CRCP: variants seen among roughly 807,000 people sequenced by gnomAD.
The protein encoded by CRCP is DNA-directed RNA polymerase III subunit RPC9.
Under a neutral mutation model 18.5 loss-of-function variants are expected in CRCP, and 18 were observed. That is an observed-to-expected ratio of 0.97 (90% confidence interval 0.67 to 1.44). The LOEUF (loss-of-function observed/expected upper bound fraction) is 1.44, where lower values mean the gene tolerates loss of function less well. CRCP is among the 40% of genes most tolerant of loss of function. CRCP has a pLI of 0.00. For synonymous variants in CRCP, 53 were observed against 62.9 expected, an observed-to-expected ratio of 0.84 and a Z score of 0.75; for missense variants, 130 against 176.4, an observed-to-expected ratio of 0.74 and a Z score of 1.49.
chr7:66,145,432 T>A lies in CRCP; in HGVS notation c.240-11T>A. Reference sequence around the variant, plus strand: ...TATGCGAGTTGTCAACGCTGTACTTTCCCTCCACAGAGCTGAGAAGCTCCA... The same window carrying A: ...TATGCGAGTTGTCAACGCTGTACTTACCCTCCACAGAGCTGAGAAGCTCCA... On this transcript the variant is annotated splice_polypyrimidine_tract_variant and intron_variant, in intron 4 of 5. Transcript: ENST00000395326. 6.2e-7 allele frequency: 1 copy of A among 1,613,770 alleles called. No homozygotes were observed. Among genetic ancestry groups the A allele is most frequent in the Non-Finnish European group, 8.5e-7 (1 of 1,179,784 alleles).
At chr7:66,130,905 C>G (rs952351163) in intron 3 of CRCP, 63 bp downstream of exon 3, 25 of 870,894 alleles carry the variant, frequency 2.9e-5, no homozygotes, top group African/African-American at 5.1e-5. Flanking sequence ...TTTATTCTCC[C>G]AATGACTGGC....
chr7:66,152,300 T>C lies in CRCP; in HGVS notation c.390T>C (p.Ala130=). The part of the protein sequence containing the change: ...VTSILPAEPE[A]EQKKNTNSNV... ...GCATTCTGCCTGCAGAGCCAGAGGC[T>C]GAGCAGAAGAAGAATACAAACAGCA... is the stretch of plus-strand genomic sequence containing the variant. The change falls in exon 6 of 6, where the codon GCT becomes GCC. Residue 130 remains alanine (A), a synonymous_variant. Coordinates refer to ENST00000395326, the MANE Select transcript of CRCP (RefSeq NM_014478.5). 3 of 1,614,146 alleles carry C rather than the reference T, an allele frequency of 1.9e-6. No homozygotes were observed. Among genetic ancestry groups the C allele is most frequent in the Non-Finnish European group, 2.5e-6 (3 of 1,180,026 alleles).
chr7:66,115,238 TTC>T (rs1420293917), intron 1 of CRCP, among the ~76,000 whole-genome samples: 1 of 152,176 alleles, frequency 6.6e-6, no homozygotes, highest in East Asian at 1.9e-4. Context: ...TGCCCCCTCC[TTC>T]TCTCATTCGT....
chr7:66,125,250 A>G lies in CRCP; in HGVS notation c.9-2454A>G, dbSNP rs751013462. Among the ~76,000 whole-genome samples the G allele has an allele frequency of 6.0e-5, 9 of 149,214 alleles. 1 individual carries two copies. The highest frequency in any genetic ancestry group is 5.4e-4 in the Admixed American group (8 of 14,914). Reference sequence around the variant, plus strand: ...AAGTTGATGTCTGTCTGGTTTCACCATATCCTGTTGCCAACAACCTGTCGT... The same window carrying G: ...AAGTTGATGTCTGTCTGGTTTCACCGTATCCTGTTGCCAACAACCTGTCGT... On this transcript the variant is annotated intron_variant, in intron 1 of 5. Coordinates refer to ENST00000395326, the MANE Select transcript of CRCP (RefSeq NM_014478.5).
intron 1 of CRCP, among the ~76,000 whole-genome samples, chr7:66,123,274 G>A (rs1002072453): frequency 2.6e-5 from 4 of 151,954 alleles, no homozygotes; most frequent in African/African-American, 9.7e-5. Context: ...ACTATTCTAA[G>A]TCCTACAGGA....
Position 66,151,750 on chromosome 7 carries a change from TTC to T in CRCP, c.298-456_298-455del, listed in dbSNP as rs376797256. Among the ~76,000 whole-genome samples, 130 of 93,500 alleles carry T rather than the reference TTC, an allele frequency of 1.4e-3. 23 individuals are homozygous for T. Among genetic ancestry groups the T allele is most frequent in the Middle Eastern group, 4.3e-3 (1 of 232 alleles). The allele number at this position is 93,500 out of a possible 152,430, so 61.3% of individuals were successfully genotyped here. ...AACTTAGCTTTTTCCTTTTTTTCTT[TTC>T]TTTTTTTTTTTTTTTTTTTAGACAA... On this transcript the variant is annotated intron_variant, in intron 5 of 5. Transcript: ENST00000395326.
chr7:66,134,409 C>A, intron 4 of CRCP, 35 bp downstream of exon 4: 1 of 1,385,164 alleles, frequency 7.2e-7, no homozygotes, highest in Non-Finnish European at 1.0e-6. Flanking sequence ...GAGCGTGACA[C>A]ATGGTGAAAT....
chr7:66,134,410 A>G (rs1584082317), intron 4 of CRCP, 36 bp downstream of exon 4: 1 of 1,358,284 alleles, frequency 7.4e-7, no homozygotes. Flanking sequence ...AGCGTGACAC[A>G]TGGTGAAATG....
chr7:66,125,637 G>GTGT (rs1491099793), intron 1 of CRCP, among the ~76,000 whole-genome samples: 1 of 149,088 alleles, frequency 6.7e-6, no homozygotes, highest in African/African-American at 2.4e-5. Flanking sequence ...GAGGCAGAGG[G>GTGT]TGTTCTTTGG....
At chr7:66,142,954 A>G (rs1440805891) in intron 4 of CRCP, among the ~76,000 whole-genome samples, 1 of 152,206 alleles carries the variant, frequency 6.6e-6, no homozygotes, top group African/African-American at 2.4e-5. Context: ...TTTTAGACCA[A>G]ACTAGACACA....
intron 4 of CRCP, among the ~76,000 whole-genome samples, chr7:66,135,558 A>G (rs910302394): frequency 1.3e-5 from 2 of 152,124 alleles, no homozygotes; most frequent in Admixed American, 6.6e-5. Flanking sequence ...TCTAGGGTAC[A>G]TGTGCACAAC....
At chr7:66,138,375 T>C (rs1397069893) in intron 4 of CRCP, among the ~76,000 whole-genome samples, 1 of 152,026 alleles carries the variant, frequency 6.6e-6, no homozygotes, top group Non-Finnish European at 1.5e-5. Context: ...TCCATCTCTA[T>C]ATTTTGAAAA....
intron 4 of CRCP, among the ~76,000 whole-genome samples, chr7:66,140,846 A>G (rs1584091175): frequency 1.3e-5 from 2 of 152,036 alleles, no homozygotes; most frequent in African/African-American, 4.8e-5. Context: ...CATCTTTTCT[A>G]CTGTAAGTAT....
intron 4 of CRCP, among the ~76,000 whole-genome samples, chr7:66,141,062 C>T (rs1030845879): frequency 6.6e-6 from 1 of 152,028 alleles, no homozygotes; most frequent in Non-Finnish European, 1.5e-5. Flanking sequence ...TAACCTCAAC[C>T]CTTTGATTAA....
At chr7:66,116,782 C>T (rs1466837102) in intron 1 of CRCP, among the ~76,000 whole-genome samples, 1 of 152,058 alleles carries the variant, frequency 6.6e-6, no homozygotes, top group East Asian at 1.9e-4. Flanking sequence ...CTCAGCCATT[C>T]TGTTGGGCTT....
At chr7:66,115,245 A>T (rs528881522) in intron 1 of CRCP, among the ~76,000 whole-genome samples, 7 of 152,092 alleles carry the variant, frequency 4.6e-5, no homozygotes, top group African/African-American at 1.4e-4. Flanking sequence ...TCCTTCTCTC[A>T]TTCGTTTACC....
At chr7:66,127,663 G>T (rs1049889476) in intron 1 of CRCP, 41 bp from the exon 2 acceptor site, 2 of 1,611,392 alleles carry the variant, frequency 1.2e-6, no homozygotes, top group Non-Finnish European at 1.7e-6. Flanking sequence ...CCAGAAAGGG[G>T]TGTGAGCCCA....
intron 1 of CRCP, among the ~76,000 whole-genome samples, chr7:66,121,338 ACCGCGCTGG>A (rs1787435553): frequency 6.6e-6 from 1 of 152,130 alleles, no homozygotes; most frequent in Non-Finnish European, 1.5e-5. Flanking sequence ...GGCATGAGCC[ACCGCGCTGG>A]CCCAGAAATT....
At chr7:66,129,467 C>T (rs1787723501) in intron 2 of CRCP, among the ~76,000 whole-genome samples, 1 of 152,148 alleles carries the variant, frequency 6.6e-6, no homozygotes, top group East Asian at 1.9e-4. Flanking sequence ...GTACTCCAGT[C>T]TGGGAGACAG....
Sources: allele counts gnomAD v4.1 joint callset (sites outside exome capture counted in the v4.1 genomes callset), GRCh38; gene constraint gnomAD v4.1.1; transcripts MANE v1.5; gene names NCBI Gene and HGNC (gene_info 2026-07-23, HGNC 2026-07-21).